Variants in CLMN observed in about 807,000 individuals in gnomAD.
CLMN encodes the protein calmin.
Under a neutral mutation model 92.7 loss-of-function variants are expected in CLMN, and 57 were observed. The observed-to-expected ratio is 0.61, with a 90% CI of 0.50 to 0.77. The LOEUF (loss-of-function observed/expected upper bound fraction) is 0.77, where lower values mean the gene tolerates loss of function less well. Among genes scored for constraint, CLMN ranks in the 30% least tolerant of loss-of-function variants. CLMN has a pLI of 0.00. For synonymous variants in CLMN, 466 were observed against 470.6 expected (o/e 0.99, Z 0.13); for missense variants, 1,158 against 1,237.5 (o/e 0.94, Z 0.96).
chr14:95,236,866 C>T (rs940930911), intron 1 of CLMN, among the ~76,000 whole-genome samples: 2 of 151,586 alleles, frequency 1.3e-5, no homozygotes, highest in Non-Finnish European at 2.9e-5. Flanking sequence ...CTTGCCATAC[C>T]ATGTGGGGTT....
intron 8 of CLMN, among the ~76,000 whole-genome samples, chr14:95,205,616 T>C (rs1481941869): frequency 1.3e-5 from 2 of 152,102 alleles, no homozygotes; most frequent in African/African-American, 4.8e-5. Context: ...TTAAAACATA[T>C]GCAGAAGTAA....
chr14:95,192,557 T>C (rs771970016), intron 12 of CLMN: 2 of 152,260 alleles, frequency 1.3e-5, no homozygotes, highest in African/African-American at 2.4e-5. Flanking sequence ...TATCTCCTGA[T>C]AGCAGGAGCG....
chr14:95,239,526 T>C (rs1414716217), intron 1 of CLMN, among the ~76,000 whole-genome samples: 2 of 152,222 alleles, frequency 1.3e-5, no homozygotes, highest in Admixed American at 1.3e-4. Flanking sequence ...AATCCCAATG[T>C]TTTTGTGAAA....
chr14:95,225,373 T>C (rs752625464), intron 2 of CLMN, among the ~76,000 whole-genome samples: 95 of 152,156 alleles, frequency 6.2e-4, no homozygotes, highest in Non-Finnish European at 6.0e-4. Flanking sequence ...ACAAAGATAG[T>C]GTACTTGTCT....
At chr14:95,222,222 C>T (rs540544814) in intron 3 of CLMN, among the ~76,000 whole-genome samples, 1 of 152,200 alleles carries the variant, frequency 6.6e-6, no homozygotes, top group Non-Finnish European at 1.5e-5. Context: ...CTAAATCATC[C>T]AGCCGAGGTC....
In CLMN at chr14:95,294,722, G is replaced by A. The variant is rs1379956544; in HGVS notation, c.82+24989C>T. On this transcript the variant is annotated intron_variant, in intron 1 of 12. Coordinates refer to ENST00000298912, the MANE Select transcript of CLMN (RefSeq NM_024734.4). The surrounding 1 kb of genome is among the most constrained non-coding windows in gnomAD (Gnocchi z 4.2). ...TCCCTGCCCTGTGTCCTGGGGGCAG[G>A]TCCTCCACAGGTTGTGTCACTGGGC... 6.6e-6 allele frequency among the ~76,000 whole-genome samples: 1 copy of A among 152,130 alleles called. No homozygotes were observed. Among genetic ancestry groups the A allele is most frequent in the East Asian group, 1.9e-4 (1 of 5,194 alleles).
intron 12 of CLMN, chr14:95,193,265 C>T: frequency 1.6e-6 from 2 of 1,225,826 alleles, no homozygotes; most frequent in Non-Finnish European, 2.3e-6. Context: ...GGCAGGTTTC[C>T]AGCAATTCAG....
intron 1 of CLMN, among the ~76,000 whole-genome samples, chr14:95,316,433 C>T (rs1476904485): frequency 6.6e-6 from 1 of 152,248 alleles, no homozygotes; most frequent in African/African-American, 2.4e-5. Context: ...TATCCATGAA[C>T]ACTGCATCTG....
At position 95,259,604 on chromosome 14, in the gene CLMN, C is replaced by T. The variant is rs1301887597; in HGVS notation, c.83-29471G>A. On this transcript the variant is annotated intron_variant, in intron 1 of 12. Coordinates refer to ENST00000298912, the MANE Select transcript of CLMN (RefSeq NM_024734.4). This position sits in a 1 kb window ranked among gnomAD's most constrained non-coding sequence, Gnocchi z 4.3. ...CTGTTTGGGAATCCTGTTTTTGTGC[C>T]TGGTTGGGGGCTAGGAGAGGAGATC... 1.3e-5 allele frequency among the ~76,000 whole-genome samples: 2 copies of T among 152,094 alleles called. No homozygotes were observed. Among genetic ancestry groups the T allele is most frequent in the Admixed American group, 6.5e-5 (1 of 15,270 alleles).
intron 1 of CLMN, among the ~76,000 whole-genome samples, chr14:95,258,191 T>C (rs528621091): frequency 6.6e-6 from 1 of 151,982 alleles, no homozygotes; most frequent in African/African-American, 2.4e-5. Flanking sequence ...TGTATATGTA[T>C]GCATAGTGCA....
chr14:95,194,039 A>G lies in CLMN; in HGVS notation c.2770-120T>C. The G allele has an allele frequency of 6.7e-7, 1 of 1,498,620 alleles. No homozygotes were observed. The highest frequency in any genetic ancestry group is 1.3e-5 in the South Asian group (1 of 74,796). 92.8% of individuals were successfully genotyped at this position (1,498,620 alleles called of 1,614,324 possible). A position where few individuals can be genotyped will look rare whatever the true frequency, so the allele number is the denominator to read the frequency against. ...CCGAGCATGCCGGGCATTTCTCAATACCGCCAGCGTCTAGATCCAAAATCA... is the reference window on the plus strand; with the variant it reads ...CCGAGCATGCCGGGCATTTCTCAATGCCGCCAGCGTCTAGATCCAAAATCA... On this transcript the variant is annotated intron_variant, in intron 11 of 12. Coordinates refer to ENST00000298912, the MANE Select transcript of CLMN (RefSeq NM_024734.4). This position sits in a 1 kb window ranked among gnomAD's most constrained non-coding sequence, Gnocchi z 4.0.
At chr14:95,293,597 A>G (rs1900687840) in intron 1 of CLMN, among the ~76,000 whole-genome samples, 1 of 152,134 alleles carries the variant, frequency 6.6e-6, no homozygotes, top group Admixed American at 6.5e-5. Flanking sequence ...ACCTGCTCCC[A>G]GCAGGCAGGA....
In CLMN at chr14:95,182,508, A is replaced by G. The variant is rs1896351816; in HGVS notation, c.*9056T>C. ...TAGTATCAGCACCACTGTGAGTGAC[A>G]TAGGCAGCATCTTATGGTGCAATTT... is the stretch of plus-strand genomic sequence containing the variant. On this transcript the variant is annotated 3_prime_UTR_variant, in exon 13 of 13. Coordinates refer to ENST00000298912, the MANE Select transcript of CLMN (RefSeq NM_024734.4). The G allele has an allele frequency of 6.6e-6, 1 of 152,234 alleles. No individual in the cohort carries two copies. Among genetic ancestry groups the G allele is most frequent in the South Asian group, 2.1e-4 (1 of 4,836 alleles). 9.4% of individuals were successfully genotyped at this position (152,234 alleles called of 1,614,324 possible). A position where few individuals can be genotyped will look rare whatever the true frequency, so the allele number is the denominator to read the frequency against.
At chr14:95,264,333 C>T (rs1899382503) in intron 1 of CLMN, among the ~76,000 whole-genome samples, 1 of 152,140 alleles carries the variant, frequency 6.6e-6, no homozygotes, top group Non-Finnish European at 1.5e-5. Context: ...CTGTGCCGGA[C>T]CCCTGCATCT....
intron 1 of CLMN, among the ~76,000 whole-genome samples, chr14:95,271,772 T>C (rs1899719807): frequency 6.6e-6 from 1 of 152,220 alleles, no homozygotes; most frequent in African/African-American, 2.4e-5. Context: ...ATACAGAACA[T>C]TTGCATCACC....
At position 95,194,501 on chromosome 14, in the gene CLMN, G is replaced by A; in HGVS notation, c.2769+35C>T. 1 of 1,613,942 alleles carries A rather than the reference G, an allele frequency of 6.2e-7. No homozygotes were observed. Among genetic ancestry groups the A allele is most frequent in the Non-Finnish European group, 8.5e-7 (1 of 1,179,824 alleles). ...GGATGGAAAGGAATTGATTAGCAGG[G>A]GCCGTGCGGAAAGAGAAGAAATTCA... On this transcript the variant is annotated intron_variant, in intron 11 of 12. Transcript: ENST00000298912. This position sits in a 1 kb window ranked among gnomAD's most constrained non-coding sequence, Gnocchi z 4.0.
At chr14:95,297,503 T>A (rs917147079) in intron 1 of CLMN, among the ~76,000 whole-genome samples, 1 of 152,140 alleles carries the variant, frequency 6.6e-6, no homozygotes, top group Non-Finnish European at 1.5e-5. Context: ...TGTGTCCTAT[T>A]GTACTCAATC....
chr14:95,317,523 A>G (rs1468665493), intron 1 of CLMN, among the ~76,000 whole-genome samples: 1 of 151,588 alleles, frequency 6.6e-6, no homozygotes, highest in Non-Finnish European at 1.5e-5. Context: ...CATCCATACC[A>G]TGGAATAGTA....
chr14:95,187,052 AT>A lies in CLMN; in HGVS notation c.*4511del, dbSNP rs1318365074. Reference sequence around the variant, plus strand: ...CAAGCAGAGCTTAGCCATGCTATGTATCCCTCTCCTGCACTTGGCACAGCAT... The same window carrying A: ...CAAGCAGAGCTTAGCCATGCTATGTACCCTCTCCTGCACTTGGCACAGCAT... On this transcript the variant is annotated 3_prime_UTR_variant, in exon 13 of 13. Coordinates refer to ENST00000298912, the MANE Select transcript of CLMN (RefSeq NM_024734.4). 2.6e-4 allele frequency: 40 copies of A among 152,256 alleles called. No homozygotes were observed. The highest frequency in any genetic ancestry group is 9.4e-4 in the African/African-American group (39 of 41,450). The allele number at this position is 152,256 out of a possible 1,614,324, so 9.4% of individuals were successfully genotyped here. A position where few individuals can be genotyped will look rare whatever the true frequency, so the allele number is the denominator to read the frequency against.
Sources: allele counts gnomAD v4.1 joint callset (sites outside exome capture counted in the v4.1 genomes callset), GRCh38; gene constraint gnomAD v4.1.1; non-coding constraint Gnocchi (gnomAD v3.1); transcripts MANE v1.5; gene names NCBI Gene and HGNC (gene_info 2026-07-23, HGNC 2026-07-21).